MYRIP: variants seen among roughly 807,000 people sequenced by gnomAD.
MYRIP encodes myosin VIIA and Rab interacting protein.
Under a neutral mutation model 98.0 loss-of-function variants are expected in MYRIP, and 49 were observed. The observed-to-expected ratio is 0.50, with a 90% CI of 0.40 to 0.63. The LOEUF (loss-of-function observed/expected upper bound fraction) is 0.63, where lower values mean the gene tolerates loss of function less well. MYRIP is among the 30% of genes least tolerant of loss of function. The pLI is 0.00. For missense variants in MYRIP, 1,004 were observed against 1,058.2 expected, an observed-to-expected ratio of 0.95 and a Z score of 0.71; for synonymous variants, 404 against 409.5, an observed-to-expected ratio of 0.99 and a Z score of 0.16.
intron 1 of MYRIP, among the ~76,000 whole-genome samples, chr3:39,866,914 C>A (rs891932589): frequency 2.0e-5 from 3 of 152,106 alleles, no homozygotes; most frequent in African/African-American, 7.2e-5. Flanking sequence ...CATCATACTT[C>A]CTGATTTCAA....
chr3:39,879,901 C>T (rs1943116119), intron 1 of MYRIP, among the ~76,000 whole-genome samples: 1 of 152,116 alleles, frequency 6.6e-6, no homozygotes. Context: ...CCACTACCAC[C>T]TCAATTTCCA....
intron 2 of MYRIP, among the ~76,000 whole-genome samples, chr3:39,949,686 G>A (rs1175243270): frequency 6.6e-6 from 1 of 152,076 alleles, no homozygotes; most frequent in African/African-American, 2.4e-5. Context: ...TTGAAATGTG[G>A]AATGACATTG....
At chr3:40,139,426 A>T (rs1949848665) in intron 3 of MYRIP, among the ~76,000 whole-genome samples, 1 of 152,208 alleles carries the variant, frequency 6.6e-6, no homozygotes, top group African/African-American at 2.4e-5. Flanking sequence ...TGCTGGCTCC[A>T]TGTAAACAAT....
chr3:40,250,122 A>G, intron 13 of MYRIP, 100 bp from the exon 14 acceptor site: 6 of 952,536 alleles, frequency 6.3e-6, no homozygotes, highest in Non-Finnish European at 9.8e-6. Context: ...ATGAGCATAC[A>G]TCAAAGCAGA....
chr3:39,816,499 G>C lies in MYRIP; in HGVS notation c.-31+6583G>C, dbSNP rs1277208167. ...GTCTTGAAGAAAGATCAGACTGACT[G>C]AAGAGTTTACAAAGGCTAATAAATA... On this transcript the variant is annotated intron_variant, in intron 1 of 16. Transcript: ENST00000302541. Among the ~76,000 whole-genome samples, 6 of 152,176 alleles carry C rather than the reference G, an allele frequency of 3.9e-5. No individual in the cohort carries two copies. In the South Asian group the frequency reaches 6.2e-4, roughly 16 times the overall value.
At chr3:40,140,337 T>C (rs182079165) in intron 3 of MYRIP, among the ~76,000 whole-genome samples, 2 of 152,384 alleles carry the variant, frequency 1.3e-5, no homozygotes, top group Admixed American at 6.5e-5. Context: ...TTCTTGTATA[T>C]ACCACATCTT....
At chr3:39,983,584 T>G (rs1280522180) in intron 2 of MYRIP, among the ~76,000 whole-genome samples, 10 of 152,130 alleles carry the variant, frequency 6.6e-5, no homozygotes, top group Non-Finnish European at 1.5e-5. Context: ...TGCCACTGGA[T>G]CCCAGGGGAG....
intron 2 of MYRIP, among the ~76,000 whole-genome samples, chr3:39,998,709 C>G (rs1184213018): frequency 2.0e-5 from 3 of 152,088 alleles, no homozygotes; most frequent in African/African-American, 4.8e-5. Flanking sequence ...AAAAAGAGCC[C>G]GCATTGCCAA....
chr3:40,079,589 G>A (rs1216003062), intron 3 of MYRIP, among the ~76,000 whole-genome samples: 2 of 152,240 alleles, frequency 1.3e-5, no homozygotes, highest in Admixed American at 6.5e-5. Flanking sequence ...ACACAAGAAA[G>A]CAATGAATGT....
At chr3:40,234,183 A>G (rs1359893068) in intron 12 of MYRIP, 130 bp downstream of exon 12, 2 of 943,878 alleles carry the variant, frequency 2.1e-6, no homozygotes, top group Non-Finnish European at 3.0e-6. Context: ...TATAGCAAAT[A>G]CATTCTCAGG....
chr3:40,049,295 G>A (rs1257328179), intron 3 of MYRIP, among the ~76,000 whole-genome samples: 7 of 152,064 alleles, frequency 4.6e-5, no homozygotes, highest in African/African-American at 1.2e-4. Flanking sequence ...CACTTTTTCC[G>A]ATAGCATAGG....
intron 1 of MYRIP, among the ~76,000 whole-genome samples, chr3:39,862,096 G>A (rs918098824): frequency 6.6e-6 from 1 of 152,108 alleles, no homozygotes; most frequent in Admixed American, 6.5e-5. Flanking sequence ...GAGAGAGAAG[G>A]GGTGGGTCAC....
At chr3:40,168,284 G>A (rs1290141121) in intron 7 of MYRIP, among the ~76,000 whole-genome samples, 2 of 152,200 alleles carry the variant, frequency 1.3e-5, no homozygotes. Flanking sequence ...AGTCCAGATA[G>A]TAACCGCATC....
chr3:40,123,227 G>T (rs1475849174), intron 3 of MYRIP, among the ~76,000 whole-genome samples: 1 of 152,164 alleles, frequency 6.6e-6, no homozygotes, highest in Non-Finnish European at 1.5e-5. Flanking sequence ...TTTGCTTAGT[G>T]CAGGCTTATC....
rs138515361 is a variant in MYRIP at position 39,811,504 on chromosome 3, C to T, written c.-31+1588C>T. Among the ~76,000 whole-genome samples the T allele has an allele frequency of 1.1e-4, 17 of 152,142 alleles. No homozygotes were observed. The East Asian group carries it at 2.9e-3, about 26-fold the overall frequency. On this transcript the variant is annotated intron_variant, in intron 1 of 16. Transcript: ENST00000302541. ...ATCTTTTTAGAGAAATTTAGTTTCC[C>T]AAGACTTTGAAGATACTGCTTTCCA... is the stretch of plus-strand genomic sequence containing the variant.
At chr3:40,104,404 A>G (rs1949014083) in intron 3 of MYRIP, among the ~76,000 whole-genome samples, 1 of 152,194 alleles carries the variant, frequency 6.6e-6, no homozygotes, top group Non-Finnish European at 1.5e-5. Context: ...TCTTATGTCC[A>G]TCTTTGATAC....
At chr3:39,914,703 A>T (rs1437961372) in intron 2 of MYRIP, among the ~76,000 whole-genome samples, 1 of 152,168 alleles carries the variant, frequency 6.6e-6, no homozygotes, top group Non-Finnish European at 1.5e-5. Flanking sequence ...AAGATGAGGT[A>T]TATGGGCCAA....
intron 1 of MYRIP, among the ~76,000 whole-genome samples, chr3:39,882,225 G>A (rs1336809551): frequency 6.6e-6 from 1 of 151,990 alleles, no homozygotes; most frequent in African/African-American, 2.4e-5. Flanking sequence ...GGTGGAAGTG[G>A]TTGGTGTTTT....
chr3:40,219,068 C>A (rs1160217778), intron 11 of MYRIP, among the ~76,000 whole-genome samples: 1 of 151,994 alleles, frequency 6.6e-6, no homozygotes, highest in Non-Finnish European at 1.5e-5. Context: ...AAAGAAAGAT[C>A]CTTTAAGGAA....
Sources: gnomAD v4.1 joint callset for allele counts (sites outside exome capture counted in the v4.1 genomes callset) on GRCh38, gnomAD v4.1.1 for gene constraint, MANE v1.5 for transcripts, NCBI Gene and HGNC (gene_info 2026-07-23, HGNC 2026-07-21) for gene names.